The following EXOSC10 variants were observed in gnomAD, a reference collection of about 807,000 sequenced individuals.
EXOSC10 encodes the protein exosome component 10, also known as exosome complex component 10.
EXOSC10 carries 94 observed loss-of-function variants against 126.6 expected under a neutral mutation model. The ratio of observed to expected loss-of-function variants is 0.74; its 90% CI spans 0.63 to 0.88. The LOEUF is 0.88. Among genes scored for constraint, EXOSC10 ranks in the 40% least tolerant of loss-of-function variants. The probability of loss-of-function intolerance (pLI) is 0.00; values close to 1 mark genes in which losing one functional copy is unlikely to be tolerated. For missense variants in EXOSC10, 1,041 were observed against 1,100.5 expected (o/e 0.95, Z 0.77); for synonymous variants, 395 against 400.8 (o/e 0.99, Z 0.17).
At chr1:11,077,297 A>G (rs1249267424) in intron 16 of EXOSC10, 68 bp downstream of exon 16, 1 of 1,519,392 alleles carries the variant, frequency 6.6e-7, no homozygotes, top group African/African-American at 1.4e-5. Context: ...GGCCAAGCCT[A>G]CAGAATTTTA....
At chr1:11,074,649 G>A (rs12121227) in intron 17 of EXOSC10, among the ~76,000 whole-genome samples, 10,981 of 152,176 alleles carry the variant, frequency 0.072, 618 homozygotes, top group East Asian at 0.15. Context: ...CTGACCTCAA[G>A]TGGTCCACCC....
At chr1:11,091,659 CTAACA>C in intron 3 of EXOSC10, 62 bp from the exon 4 acceptor site, 1 of 1,248,302 alleles carries the variant, frequency 8.0e-7, no homozygotes, top group African/African-American at 1.5e-5. Flanking sequence ...AGTTAACTAC[CTAACA>C]TTTTATTTAT....
At position 11,076,919 on chromosome 1, in the gene EXOSC10, G is replaced by A. The variant is rs149349714; in HGVS notation, c.1909C>T (p.Leu637Phe). The change falls in exon 17 of 25, where the codon CTC (leucine) becomes TTC (phenylalanine). Residue 637 changes from leucine to phenylalanine, a missense_variant. Leu to Phe is a conservative substitution (Grantham distance 22, BLOSUM62 0). Around this residue, in one of 3 missense-constraint regions of EXOSC10, gnomAD observed 388 missense variants for 415.2 expected, o/e 0.93. Coordinates refer to ENST00000376936, the MANE Select transcript of EXOSC10 (RefSeq NM_001001998.3). The stretch of plus-strand genomic sequence containing the variant: ...TTATCTTCTTTTTCATCAGGGAAGA[G>A]GCTCGCCTGCTTCTGAACTGGCACA... ...GSVPVQKQAS[L>F]FPDEKEDNLL... 6 of 1,613,790 alleles carry A rather than the reference G, an allele frequency of 3.7e-6. No individual in the cohort carries two copies. Among genetic ancestry groups the A allele is most frequent in the Non-Finnish European group, 4.2e-6 (5 of 1,179,990 alleles).
intron 17 of EXOSC10, 29 bp downstream of exon 17, chr1:11,076,813 C>T (rs752280430): frequency 6.5e-7 from 1 of 1,530,558 alleles, no homozygotes; most frequent in East Asian, 2.2e-5. Flanking sequence ...GGGTCCTCAT[C>T]ACCTCAGTGA....
At chr1:11,067,288 C>T (rs1570776242) in intron 24 of EXOSC10, among the ~76,000 whole-genome samples, 3 of 152,232 alleles carry the variant, frequency 2.0e-5, no homozygotes, top group Admixed American at 6.5e-5. Context: ...AAAAATTAGC[C>T]GGGCATCATG....
chr1:11,081,206 C>T lies in EXOSC10; in HGVS notation c.1313G>A (p.Arg438Gln), dbSNP rs771714806. ...PLPEEMLSYARDDTHYLLYIY... is the reference protein window; with the variant it reads ...PLPEEMLSYAQDDTHYLLYIY... ...ATATAGCAGGTAATGGGTGTCATCC[C>T]GGGCGTAGCTGAGCATCTCCTCGGG... The change falls in exon 11 of 25, where the codon CGG (arginine) becomes CAG (glutamine). Residue 438 changes from arginine (R) to glutamine (Q), a missense_variant. Physicochemically the swap from Arg to Gln is conservative, Grantham distance 43. Around this residue, in one of 3 missense-constraint regions of EXOSC10, gnomAD observed 645 missense variants for 656.3 expected, o/e 0.98. Coordinates refer to ENST00000376936, the MANE Select transcript of EXOSC10 (RefSeq NM_001001998.3). The T allele has an allele frequency of 2.7e-5, 44 of 1,614,080 alleles. No individual in the cohort carries two copies. Among genetic ancestry groups the T allele is most frequent in the East Asian group, 1.6e-4 (7 of 44,892 alleles).
chr1:11,073,305 TG>T (rs1353691090), intron 19 of EXOSC10, among the ~76,000 whole-genome samples: 1 of 152,056 alleles, frequency 6.6e-6, no homozygotes, highest in Non-Finnish European at 1.5e-5. Context: ...GCTAATTTTT[TG>T]TATTTTTAGT....
chr1:11,099,485 C>A (rs1016547727), intron 1 of EXOSC10, among the ~76,000 whole-genome samples: 1 of 152,236 alleles, frequency 6.6e-6, no homozygotes, highest in Admixed American at 6.5e-5. Context: ...TGCGAGACGG[C>A]TTTCCACATT....
At chr1:11,082,996 T>A in intron 9 of EXOSC10, 118 bp from the exon 10 acceptor site, 3 of 803,532 alleles carry the variant, frequency 3.7e-6, no homozygotes, top group Non-Finnish European at 4.1e-6. Context: ...CGCTGTCCCA[T>A]CTGTAGTGCA....
At chr1:11,073,560 T>C (rs1639634531) in intron 19 of EXOSC10, among the ~76,000 whole-genome samples, 1 of 152,086 alleles carries the variant, frequency 6.6e-6, no homozygotes, top group Admixed American at 6.6e-5. Flanking sequence ...AACAGAAACC[T>C]GGTATGAATA....
At position 11,069,733 on chromosome 1, in the gene EXOSC10, G is replaced by A. The variant is rs776928606; in HGVS notation, c.2317-3C>T. ...CTCTTCTTTGCAGCATTTTCTAGCT[G>A]TAGATCAGGAACAGATGTGGGGGAG... On this transcript the variant is annotated splice_polypyrimidine_tract_variant and splice_region_variant and intron_variant, in intron 21 of 24. Transcript: ENST00000376936. 4.3e-6 allele frequency: 7 copies of A among 1,613,220 alleles called. No individual in the cohort carries two copies. The highest frequency in any genetic ancestry group is 2.2e-5 in the South Asian group (2 of 90,992).
rs747087664 is a variant in EXOSC10, at chr1:11,077,382, G to A, written c.1862C>T (p.Pro621Leu). The A allele has an allele frequency of 1.2e-6, 2 of 1,611,992 alleles. No individual in the cohort carries two copies. The highest frequency in any genetic ancestry group is 1.7e-6 in the Non-Finnish European group (2 of 1,178,294). Residue 621 changes from proline to leucine, a missense_variant, in exon 16 of 25, where the codon CCA (proline) becomes CTA (leucine). Coordinates refer to ENST00000376936, the MANE Select transcript of EXOSC10 (RefSeq NM_001001998.3). ...DCSHAPPDGY[P>L]IIPTSGSVPV... ...GACTTTACCACTGGTTGGGATGATT[G>A]GATAGCCATCCGGAGGGGCATGGGA... is the stretch of plus-strand genomic sequence containing the variant.
chr1:11,090,456 C>G, intron 6 of EXOSC10, 98 bp downstream of exon 6: 1 of 948,234 alleles, frequency 1.1e-6, no homozygotes, highest in South Asian at 1.4e-5. Context: ...GAAATCACTA[C>G]TCCTCAGATT....
At chr1:11,074,103 T>G in intron 18 of EXOSC10, 95 bp from the exon 19 acceptor site, 1 of 1,393,856 alleles carries the variant, frequency 7.2e-7, no homozygotes, top group Non-Finnish European at 1.0e-6. Flanking sequence ...TGGTGCCTTG[T>G]CAGCGTCTTT....
intron 9 of EXOSC10, among the ~76,000 whole-genome samples, chr1:11,085,137 T>G (rs1271101546): frequency 6.6e-6 from 1 of 152,222 alleles, no homozygotes; most frequent in Non-Finnish European, 1.5e-5. Flanking sequence ...ATATGAACTT[T>G]AAACTAGTTT....
chr1:11,067,939 G>T, intron 24 of EXOSC10, 69 bp downstream of exon 24: 1 of 1,389,070 alleles, frequency 7.2e-7, no homozygotes, highest in Non-Finnish European at 1.0e-6. Context: ...TACTCCCCAC[G>T]GACCACACCA....
intron 1 of EXOSC10, among the ~76,000 whole-genome samples, chr1:11,098,783 A>G (rs529401982): frequency 6.6e-6 from 1 of 152,358 alleles, no homozygotes; most frequent in East Asian, 1.9e-4. Flanking sequence ...GTGGTTCTCT[A>G]TTTTAACTGT....
chr1:11,081,236 G>T lies in EXOSC10; in HGVS notation c.1283C>A (p.Pro428His), dbSNP rs755859943. The T allele has an allele frequency of 2.9e-5, 46 of 1,614,024 alleles. No homozygotes were observed. Among genetic ancestry groups the T allele is most frequent in the Non-Finnish European group, 1.9e-5 (22 of 1,179,996 alleles). The stretch of plus-strand genomic sequence containing the variant: ...GTAGCTGAGCATCTCCTCGGGCAGA[G>T]GGCTGGAATTGCAGAGGACAATGTT... Reference protein sequence around the residue: ...QYQLADWRIRPLPEEMLSYAR... With the variant: ...QYQLADWRIRHLPEEMLSYAR... Residue 428 changes from proline to histidine, a missense_variant and splice_region_variant, in exon 11 of 25, where the codon CCT (proline) becomes CAT (histidine). Pro to His is a moderately conservative substitution (Grantham distance 77). Transcript: ENST00000376936.
Position 11,081,100 on chromosome 1 carries a change from G to A in EXOSC10, c.1419C>T (p.Ser473=). The part of the protein sequence containing the change: ...PVQLQVVWQR[S]RDICLKKFIK... ...GGTGTACCTTGAGGCAGATGTCCCTGCTCCGTTGCCACACCACCTGCAGCT... is the reference window on the plus strand; with the variant it reads ...GGTGTACCTTGAGGCAGATGTCCCTACTCCGTTGCCACACCACCTGCAGCT... Residue 473 remains serine (S), a synonymous_variant, in exon 11 of 25, where the codon AGC becomes AGT. Coordinates refer to ENST00000376936, the MANE Select transcript of EXOSC10 (RefSeq NM_001001998.3). 2 of 1,614,198 alleles carry A rather than the reference G, an allele frequency of 1.2e-6. No homozygotes were observed. Among genetic ancestry groups the A allele is most frequent in the African/African-American group, 2.7e-5 (2 of 75,064 alleles).
Sources: allele counts gnomAD v4.1 joint callset (sites outside exome capture counted in the v4.1 genomes callset), GRCh38; gene constraint gnomAD v4.1.1; regional missense constraint gnomAD v4.1.1; transcripts MANE v1.5; gene names NCBI Gene and HGNC (gene_info 2026-07-23, HGNC 2026-07-21).